Variants in EYA1 observed in about 807,000 individuals in gnomAD.
The protein encoded by EYA1 is EYA transcriptional coactivator and phosphatase 1.
In EYA1, 16 loss-of-function variants were observed where a neutral mutation model predicts 82.0. That is an observed-to-expected ratio of 0.20 (90% confidence interval 0.13 to 0.30). The LOEUF (loss-of-function observed/expected upper bound fraction) is 0.30, where lower values mean the gene tolerates loss of function less well. Ranked by LOEUF, EYA1 falls within the 10% of genes least tolerant of loss-of-function variation. EYA1 has a pLI of 1.00. For synonymous variants in EYA1, 261 were observed against 264.4 expected, an observed-to-expected ratio of 0.99 and a Z score of 0.12; for missense variants, 633 against 730.7, an observed-to-expected ratio of 0.87 and a Z score of 1.54.
intron 2 of EYA1, among the ~76,000 whole-genome samples, chr8:71,431,731 G>T (rs7825729): frequency 0.71 from 107,677 of 152,038 alleles, 39,283 homozygotes; most frequent in African/African-American, 0.8. Context: ...GTTACTGAAA[G>T]AGACTCCACA....
In EYA1 at chr8:71,199,413, A is replaced by G; in HGVS notation, c.1706T>C (p.Met569Thr). Residue 569 changes from methionine to threonine, a missense_variant, in exon 18 of 18, where the codon ATG becomes ACG. By Grantham distance (81) the Met-to-Thr change is moderately conservative (BLOSUM62 -1). Transcript: ENST00000340726. The stretch of plus-strand genomic sequence containing the variant: ...GTGGCTGGAGATCCTCCAGAAGGGC[A>G]TCGCGTGCTGCAGCAGAGGCACACA... The part of the protein sequence containing the change: ...EEEQGAKKHA[M>T]PFWRISSHSD... 6.2e-7 allele frequency: 1 copy of G among 1,612,462 alleles called. No individual in the cohort carries two copies.
chr8:71,455,047 A>G (rs1807761032), intron 2 of EYA1, among the ~76,000 whole-genome samples: 1 of 152,160 alleles, frequency 6.6e-6, no homozygotes, highest in Non-Finnish European at 1.5e-5. Flanking sequence ...AAGCATCAAA[A>G]AGACACAATA....
At chr8:71,434,956 G>C (rs1270744015) in intron 2 of EYA1, among the ~76,000 whole-genome samples, 1 of 151,640 alleles carries the variant, frequency 6.6e-6, no homozygotes, top group Non-Finnish European at 1.5e-5. Context: ...CATATACTAT[G>C]CATACATATG....
chr8:71,369,781 T>C (rs1220630838), intron 2 of EYA1, among the ~76,000 whole-genome samples: 1 of 152,230 alleles, frequency 6.6e-6, no homozygotes, highest in Non-Finnish European at 1.5e-5. Flanking sequence ...AATGATTTCC[T>C]TGAATTTCCT....
At chr8:71,245,437 G>C (rs1297731985) in intron 11 of EYA1, among the ~76,000 whole-genome samples, 1 of 151,826 alleles carries the variant, frequency 6.6e-6, no homozygotes, top group Non-Finnish European at 1.5e-5. Flanking sequence ...CACCATGTTG[G>C]CCAGGATGGT....
At chr8:71,208,302 C>T (rs145336633) in intron 17 of EYA1, among the ~76,000 whole-genome samples, 20 of 152,170 alleles carry the variant, frequency 1.3e-4, no homozygotes, top group Non-Finnish European at 2.8e-4. Context: ...CATCGTGGCA[C>T]ATGCCTGTAA....
intron 3 of EYA1, among the ~76,000 whole-genome samples, chr8:71,336,883 C>T (rs891283940): frequency 3.9e-5 from 6 of 152,162 alleles, no homozygotes; most frequent in African/African-American, 1.4e-4. Context: ...CACCAGGGAC[C>T]TGATGCTAAA....
chr8:71,367,891 TAAAAC>T (rs1385542839), intron 2 of EYA1, among the ~76,000 whole-genome samples: 1 of 152,228 alleles, frequency 6.6e-6, no homozygotes, highest in African/African-American at 2.4e-5. Context: ...TTCAAATACT[TAAAAC>T]AGAATTCCTT....
chr8:71,259,278 A>G (rs1814811927), intron 11 of EYA1, among the ~76,000 whole-genome samples: 1 of 152,060 alleles, frequency 6.6e-6, no homozygotes, highest in Non-Finnish European at 1.5e-5. Flanking sequence ...CCCGCCCACC[A>G]CAGTTCATGT....
intron 10 of EYA1, 72 bp from the exon 11 acceptor site, chr8:71,269,895 C>A: frequency 3.6e-6 from 4 of 1,120,376 alleles, no homozygotes; most frequent in East Asian, 2.4e-5. Context: ...AACTTCAACA[C>A]GAAAAAGTCA....
At chr8:71,506,314 G>A (rs1812189246) in intron 2 of EYA1, among the ~76,000 whole-genome samples, 1 of 152,182 alleles carries the variant, frequency 6.6e-6, no homozygotes, top group Non-Finnish European at 1.5e-5. Flanking sequence ...TCAAAGGTTT[G>A]CCAAGGAGGC....
chr8:71,283,904 C>T (rs1487383979), intron 9 of EYA1, among the ~76,000 whole-genome samples: 1 of 152,046 alleles, frequency 6.6e-6, no homozygotes, highest in Non-Finnish European at 1.5e-5. Context: ...TATTACTGTC[C>T]CCAGTTAACA....
intron 3 of EYA1, among the ~76,000 whole-genome samples, chr8:71,342,744 G>A (rs934924892): frequency 1.2e-4 from 18 of 152,026 alleles, no homozygotes; most frequent in African/African-American, 3.4e-4. Flanking sequence ...TTGAATTTGC[G>A]GACCTTTGGT....
intron 2 of EYA1, among the ~76,000 whole-genome samples, chr8:71,433,249 A>G (rs888775128): frequency 6.6e-6 from 1 of 152,226 alleles, no homozygotes; most frequent in African/African-American, 2.4e-5. Context: ...TGTTTTGCAC[A>G]TAGGAAAAGG....
intron 2 of EYA1, among the ~76,000 whole-genome samples, chr8:71,456,261 C>T (rs1345763195): frequency 1.2e-4 from 19 of 152,044 alleles, no homozygotes; most frequent in Non-Finnish European, 2.1e-4. Context: ...TAAAAGAGGA[C>T]ACAAACAAAT....
chr8:71,345,991 AAC>A (rs144686032), intron 3 of EYA1, among the ~76,000 whole-genome samples: 7 of 151,306 alleles, frequency 4.6e-5, no homozygotes, highest in East Asian at 1.9e-4. Flanking sequence ...CATACACACA[AAC>A]ACACACACAC....
chr8:71,365,719 A>ATG (rs1169642155), upstream of EYA1, among the ~76,000 whole-genome samples: 1 of 152,096 alleles, frequency 6.6e-6, no homozygotes, highest in Non-Finnish European at 1.5e-5. Context: ...TGACACTATG[A>ATG]TCCTTGTTGG....
intron 2 of EYA1, among the ~76,000 whole-genome samples, chr8:71,441,460 G>A (rs575885938): frequency 6.6e-6 from 1 of 152,152 alleles, no homozygotes; most frequent in Admixed American, 6.5e-5. Flanking sequence ...ACCCCAATCA[G>A]ACTGGAAGTC....
At chr8:71,207,839 A>ACTT (rs1449610910) in intron 17 of EYA1, among the ~76,000 whole-genome samples, 2 of 113,528 alleles carry the variant, frequency 1.8e-5, no homozygotes, top group African/African-American at 5.6e-5. Flanking sequence ...GTAATAGAAT[A>ACTT]CTTTTGTACA....
Sources: gnomAD v4.1 joint callset for allele counts (sites outside exome capture counted in the v4.1 genomes callset) on GRCh38, gnomAD v4.1.1 for gene constraint, MANE v1.5 for transcripts, NCBI Gene and HGNC (gene_info 2026-07-23, HGNC 2026-07-21) for gene names.